Variants in POMGNT2 observed in about 807,000 individuals in gnomAD.
POMGNT2 encodes the protein protein O-linked-mannose beta-1,4-N-acetylglucosaminyltransferase 2.
A neutral mutation model predicts 37.8 loss-of-function variants in POMGNT2; 32 were observed. The observed-to-expected ratio is 0.85, with a 90% CI of 0.64 to 1.14. POMGNT2 has a LOEUF of 1.14. Among genes scored for constraint, POMGNT2 ranks in the 50% most tolerant of loss-of-function variants. The probability of loss-of-function intolerance (pLI) is 0.00; values close to 1 mark genes in which losing one functional copy is unlikely to be tolerated. For missense variants in POMGNT2, 705 were observed against 780.6 expected, an observed-to-expected ratio of 0.90 and a Z score of 1.15; for synonymous variants, 340 against 336.8, an observed-to-expected ratio of 1.01 and a Z score of -0.10.
At chr3:43,085,756 T>C (rs981640975) in intron 1 of POMGNT2, among the ~76,000 whole-genome samples, 1 of 151,438 alleles carries the variant, frequency 6.6e-6, no homozygotes, top group Non-Finnish European at 1.5e-5. Flanking sequence ...GAATGGGGTA[T>C]TTACAGCAAA....
At chr3:43,090,664 G>A (rs614993) in intron 1 of POMGNT2, 147,511 of 151,264 alleles carry the variant, frequency 0.98, 72,033 homozygotes, top group Middle Eastern at 1. Context: ...TTAGGAGAAG[G>A]AAAAAAAAAG....
intron 1 of POMGNT2, among the ~76,000 whole-genome samples, chr3:43,104,555 G>A (rs2090043529): frequency 6.6e-6 from 1 of 152,194 alleles, no homozygotes; most frequent in African/African-American, 2.4e-5. Flanking sequence ...AGGAAGGAAC[G>A]TGCTGACCAC....
At chr3:43,101,241 G>A (rs1426916647) in intron 1 of POMGNT2, among the ~76,000 whole-genome samples, 1 of 152,240 alleles carries the variant, frequency 6.6e-6, no homozygotes, top group Non-Finnish European at 1.5e-5. Flanking sequence ...GCTGCTCAGG[G>A]ACCTAGAGTA....
intron 1 of POMGNT2, chr3:43,087,794 A>G (rs867275969): frequency 1.3e-5 from 2 of 152,190 alleles, no homozygotes; most frequent in African/African-American, 4.8e-5. Flanking sequence ...TCAGTTTCCA[A>G]TGCATTACTG....
chr3:43,101,027 A>C (rs2090015015), intron 1 of POMGNT2, among the ~76,000 whole-genome samples: 2 of 152,342 alleles, frequency 1.3e-5, no homozygotes, highest in South Asian at 4.1e-4. Context: ...TTACTGGAGA[A>C]AAGAAGCCCC....
In POMGNT2 at chr3:43,081,467, C is replaced by G. The variant is rs971008582; in HGVS notation, c.-36G>C. ...CTGTGGGGCCCTAATGAGATGACGG[C>G]CACTGGGAAGCACCACAGGCCAGGC... is the stretch of plus-strand genomic sequence containing the variant. On this transcript the variant is annotated 5_prime_UTR_variant, in exon 2 of 2. Transcript: ENST00000344697. 1.4e-5 allele frequency: 20 copies of G among 1,479,374 alleles called. 1 individual carries two copies. The South Asian group carries it at 2.6e-4, about 19-fold the overall frequency. The allele number at this position is 1,479,374 out of a possible 1,614,324, so 91.6% of individuals were successfully genotyped here.
At chr3:43,094,829 C>T (rs1365021582) in intron 1 of POMGNT2, among the ~76,000 whole-genome samples, 1 of 152,148 alleles carries the variant, frequency 6.6e-6, no homozygotes, top group Non-Finnish European at 1.5e-5. Flanking sequence ...AGCAGCCCAC[C>T]CTCCTTTGTA....
chr3:43,103,085 T>G (rs1358017758), intron 1 of POMGNT2, among the ~76,000 whole-genome samples: 3 of 152,268 alleles, frequency 2.0e-5, no homozygotes, highest in African/African-American at 7.2e-5. Flanking sequence ...CCATGTGCCC[T>G]GGTACTGTGC....
Position 43,080,740 on chromosome 3 carries a change from T to A in POMGNT2, c.692A>T (p.His231Leu), listed in dbSNP as rs779368036. The A allele has an allele frequency of 2.1e-5, 34 of 1,613,878 alleles. No homozygotes were observed. Among genetic ancestry groups the A allele is most frequent in the Non-Finnish European group, 2.9e-5 (34 of 1,180,014 alleles). Residue 231 changes from histidine to leucine, a missense_variant, in exon 2 of 2, where the codon CAT becomes CTT. Coordinates refer to ENST00000344697, the MANE Select transcript of POMGNT2 (RefSeq NM_032806.6). The part of the protein sequence containing the change: ...KTLGRLLCFS[H>L]AFVGLSKITT... ...GATCTTGGAGAGGCCCACAAAAGCA[T>A]GGGAGAAGCACAGCAGCCGGCCCAG...
At position 43,080,309 on chromosome 3, in the gene POMGNT2, T is replaced by G. The variant is rs755833440; in HGVS notation, c.1123A>C (p.Thr375Pro). 1 of 1,613,446 alleles carries G rather than the reference T, an allele frequency of 6.2e-7. No homozygotes were observed. Among genetic ancestry groups the G allele is most frequent in the Non-Finnish European group, 8.5e-7 (1 of 1,179,900 alleles). Residue 375 changes from threonine (T) to proline (P), a missense_variant, in exon 2 of 2, where the codon ACT becomes CCT. Transcript: ENST00000344697. ...FPYAVNPDHY[T>P]PYKTLAMLPG... ...AGCATGGCCAGCGTCTTATAGGGAGTGTAGTGGTCGGGATTGACAGCATAT... is the reference window on the plus strand; with the variant it reads ...AGCATGGCCAGCGTCTTATAGGGAGGGTAGTGGTCGGGATTGACAGCATAT...
chr3:43,100,394 A>G (rs933324273), intron 1 of POMGNT2, among the ~76,000 whole-genome samples: 4 of 152,200 alleles, frequency 2.6e-5, no homozygotes, highest in Non-Finnish European at 5.9e-5. Flanking sequence ...TATGCAAATA[A>G]TGACACCATT....
chr3:43,087,303 G>A (rs1194642797), intron 1 of POMGNT2, among the ~76,000 whole-genome samples: 3 of 152,178 alleles, frequency 2.0e-5, no homozygotes, highest in African/African-American at 7.2e-5. Flanking sequence ...TTGAAAAAGG[G>A]GTTCTGTGCT....
At position 43,098,523 on chromosome 3, in the gene POMGNT2, A is replaced by G. The variant is rs900876873; in HGVS notation, c.-106+7313T>C. On this transcript the variant is annotated intron_variant, in intron 1 of 1. Coordinates refer to ENST00000344697, the MANE Select transcript of POMGNT2 (RefSeq NM_032806.6). This position sits in a 1 kb window ranked among gnomAD's most constrained non-coding sequence, Gnocchi z 4.3. ...CCTTTGGCAAAATCTTGGCAGTCTGAGTGGTTCTTGTAAAACTTAACACAT... is the reference window on the plus strand; with the variant it reads ...CCTTTGGCAAAATCTTGGCAGTCTGGGTGGTTCTTGTAAAACTTAACACAT... Among the ~76,000 whole-genome samples the G allele has an allele frequency of 9.2e-5, 14 of 152,212 alleles. No individual in the cohort carries two copies. The highest frequency in any genetic ancestry group is 1.9e-4 in the Non-Finnish European group (13 of 68,050).
At chr3:43,090,965 C>G (rs990778169) in intron 1 of POMGNT2, among the ~76,000 whole-genome samples, 2 of 152,140 alleles carry the variant, frequency 1.3e-5, no homozygotes, top group South Asian at 4.2e-4. Context: ...TTTGTATACA[C>G]AAAATATCAA....
chr3:43,079,595 A>G lies in POMGNT2; in HGVS notation c.*94T>C. On this transcript the variant is annotated 3_prime_UTR_variant, in exon 2 of 2. Transcript: ENST00000344697. ...TGTGGAGGCACAGGCCTGCTCAATA[A>G]ATAGTTCCCAGAAGTCTCCACAGTG... 1.7e-6 allele frequency: 2 copies of G among 1,152,276 alleles called. No homozygotes were observed. The highest frequency in any genetic ancestry group is 2.5e-6 in the Non-Finnish European group (2 of 808,258). 71.4% of individuals were successfully genotyped at this position (1,152,276 alleles called of 1,614,324 possible).
At position 43,080,638 on chromosome 3, in the gene POMGNT2, C is replaced by T. The variant is rs757701113; in HGVS notation, c.794G>A (p.Arg265Gln). 9 of 1,614,092 alleles carry T rather than the reference C, an allele frequency of 5.6e-6. No individual in the cohort carries two copies. The highest frequency in any genetic ancestry group is 4.5e-5 in the East Asian group (2 of 44,890). The stretch of plus-strand genomic sequence containing the variant: ...TTCTGTCATGAACCGTGCAAACTGC[C>T]GGATCTCATTGCCTGAGACGAGGAT... The part of the protein sequence containing the change: ...ANILVSGNEI[R>Q]QFARFMTEKL... The change falls in exon 2 of 2, where the codon CGG becomes CAG. Residue 265 changes from arginine to glutamine, a missense_variant. Coordinates refer to ENST00000344697, the MANE Select transcript of POMGNT2 (RefSeq NM_032806.6).
At chr3:43,090,973 C>G (rs1314281948) in intron 1 of POMGNT2, among the ~76,000 whole-genome samples, 1 of 152,154 alleles carries the variant, frequency 6.6e-6, no homozygotes, top group Non-Finnish European at 1.5e-5. Context: ...CACAAAATAT[C>G]AAGGTGCTAA....
chr3:43,079,585 C>T lies in POMGNT2; in HGVS notation c.*104G>A. 1 of 1,024,504 alleles carries T rather than the reference C, an allele frequency of 9.8e-7. No homozygotes were observed. The highest frequency in any genetic ancestry group is 1.6e-5 in the South Asian group (1 of 62,252). The allele number at this position is 1,024,504 out of a possible 1,614,324, so 63.5% of individuals were successfully genotyped here. A position where few individuals can be genotyped will look rare whatever the true frequency, so the allele number is the denominator to read the frequency against. ...AACAAGATGATGTGGAGGCACAGGCCTGCTCAATAAATAGTTCCCAGAAGT... is the reference window on the plus strand; with the variant it reads ...AACAAGATGATGTGGAGGCACAGGCTTGCTCAATAAATAGTTCCCAGAAGT... On this transcript the variant is annotated 3_prime_UTR_variant, in exon 2 of 2. Transcript: ENST00000344697.
chr3:43,080,877 C>T lies in POMGNT2; in HGVS notation c.555G>A (p.Leu185=), dbSNP rs564420247. 1.2e-5 allele frequency: 19 copies of T among 1,614,100 alleles called. No individual in the cohort carries two copies. The South Asian group carries it at 1.9e-4, about 16-fold the overall frequency. The change falls in exon 2 of 2, where the codon CTG becomes CTA. Residue 185 remains leucine (L), a synonymous_variant. Coordinates refer to ENST00000344697, the MANE Select transcript of POMGNT2 (RefSeq NM_032806.6). The part of the protein sequence containing the change: ...LFYTLRQFPG[L]AHEARLFFME... Reference sequence around the variant, plus strand: ...TGAAGAAGAGCCGTGCCTCGTGGGCCAGGCCGGGAAACTGCCGCAGGGTGT... The same window carrying T: ...TGAAGAAGAGCCGTGCCTCGTGGGCTAGGCCGGGAAACTGCCGCAGGGTGT...
Sources: gnomAD v4.1 joint callset for allele counts (sites outside exome capture counted in the v4.1 genomes callset) on GRCh38, gnomAD v4.1.1 for gene constraint, Gnocchi (gnomAD v3.1) non-coding constraint, MANE v1.5 for transcripts, NCBI Gene and HGNC (gene_info 2026-07-23, HGNC 2026-07-21) for gene names.